The following TANC1 variants were observed in gnomAD, a reference collection of about 807,000 sequenced individuals.
TANC1 encodes the protein tetratricopeptide repeat, ankyrin repeat and coiled-coil containing 1, also known as protein TANC1.
Under a neutral mutation model 149.7 loss-of-function variants are expected in TANC1, and 77 were observed. The ratio of observed to expected loss-of-function variants is 0.51; its 90% CI spans 0.43 to 0.62. The LOEUF (loss-of-function observed/expected upper bound fraction) is 0.62. Among genes scored for constraint, TANC1 ranks in the 20% least tolerant of loss-of-function variants. TANC1 has a pLI of 0.00. For missense variants in TANC1, 1,985 were observed against 2,321.8 expected (o/e 0.85, Z 2.98); for synonymous variants, 854 against 925.0 (o/e 0.92, Z 1.39).
intron 2 of TANC1, chr2:159,056,893 A>G: frequency 3.7e-6 from 1 of 267,924 alleles, no homozygotes; most frequent in Admixed American, 3.2e-5. Context: ...ATTTCTCCTC[A>G]TAGGACATAT....
chr2:159,066,919 T>C (rs1367594455), intron 3 of TANC1, among the ~76,000 whole-genome samples: 1 of 152,238 alleles, frequency 6.6e-6, no homozygotes, highest in Non-Finnish European at 1.5e-5. Context: ...AGAAAAACTA[T>C]ATATTGTCTA....
chr2:159,027,333 A>C (rs2039429518), intron 2 of TANC1, among the ~76,000 whole-genome samples: 1 of 152,114 alleles, frequency 6.6e-6, no homozygotes, highest in Non-Finnish European at 1.5e-5. Context: ...ATTTTAGTTT[A>C]TTGCCCTCAA....
At chr2:159,146,526 G>GTA (rs2052109350) in intron 5 of TANC1, among the ~76,000 whole-genome samples, 3 of 145,124 alleles carry the variant, frequency 2.1e-5, no homozygotes, top group Admixed American at 7.1e-5. Flanking sequence ...GAATTTGGGT[G>GTA]TCCCTTTTCC....
intron 5 of TANC1, among the ~76,000 whole-genome samples, chr2:159,136,742 T>TCC: frequency 6.6e-6 from 1 of 151,808 alleles, no homozygotes; most frequent in African/African-American, 2.4e-5. Flanking sequence ...GAAGGCTGCT[T>TCC]TTTTTAACAT....
intron 5 of TANC1, among the ~76,000 whole-genome samples, chr2:159,146,553 T>C (rs1044912516): frequency 1.3e-5 from 2 of 148,866 alleles, no homozygotes; most frequent in Non-Finnish European, 3.0e-5. Context: ...TTTTTTTTTT[T>C]TTTTGGAGAC....
chr2:159,032,817 A>T (rs2039889458), intron 2 of TANC1, among the ~76,000 whole-genome samples: 2 of 151,964 alleles, frequency 1.3e-5, no homozygotes, highest in Non-Finnish European at 2.9e-5. Context: ...GCATGAACTG[A>T]GCCCCAGATT....
Position 159,179,052 on chromosome 2 carries a change from G to T in TANC1, c.2399G>T (p.Cys800Phe). 6.2e-7 allele frequency: 1 copy of T among 1,613,944 alleles called. No homozygotes were observed. Among genetic ancestry groups the T allele is most frequent in the Non-Finnish European group, 8.5e-7 (1 of 1,180,016 alleles). Residue 800 changes from cysteine to phenylalanine, a missense_variant, in exon 14 of 27, where the codon TGC becomes TTC. Cys to Phe is a radical substitution (Grantham distance 205). Coordinates refer to ENST00000263635, the MANE Select transcript of TANC1 (RefSeq NM_033394.3). ...CAGCAGAGGATGGACGCCCTCTCCT[G>T]CTTCCTCATTAAGAGGCGAGACAAA... is the stretch of plus-strand genomic sequence containing the variant. Reference protein sequence around the residue: ...DFQQRMDALSCFLIKRRDKTR... With the variant: ...DFQQRMDALSFFLIKRRDKTR...
chr2:159,088,663 C>G (rs2149837758), intron 3 of TANC1, among the ~76,000 whole-genome samples: 1 of 152,296 alleles, frequency 6.6e-6, no homozygotes, highest in African/African-American at 2.4e-5. Context: ...TGTAAACTTT[C>G]TTAAAACATT....
intron 2 of TANC1, among the ~76,000 whole-genome samples, chr2:159,065,240 T>C (rs1032730697): frequency 6.6e-6 from 1 of 152,228 alleles, no homozygotes; most frequent in African/African-American, 2.4e-5. Context: ...TTAAAGGATC[T>C]GGCCGTAGTG....
chr2:159,187,094 C>G (rs150934140), intron 16 of TANC1, 70 bp downstream of exon 16: 14 of 1,576,798 alleles, frequency 8.9e-6, no homozygotes, highest in Non-Finnish European at 1.2e-5. Context: ...CTCCAACAGC[C>G]CTGTTTCCCT....
chr2:159,077,447 C>T (rs1394108524), intron 3 of TANC1, among the ~76,000 whole-genome samples: 1 of 152,130 alleles, frequency 6.6e-6, no homozygotes, highest in Non-Finnish European at 1.5e-5. Flanking sequence ...CTTTTCGCTC[C>T]CCAAAGGCAA....
chr2:159,119,161 C>G (rs143703081), intron 4 of TANC1, among the ~76,000 whole-genome samples: 3 of 152,288 alleles, frequency 2.0e-5, no homozygotes, highest in Non-Finnish European at 2.9e-5. Context: ...TCTTTGCCCC[C>G]AAATGTCTTC....
chr2:159,186,824 T>C, intron 15 of TANC1, 78 bp from the exon 16 acceptor site: 1 of 1,589,332 alleles, frequency 6.3e-7, no homozygotes. Flanking sequence ...ACTTTCAGAG[T>C]GACCCTGCAG....
rs1240040395 is a variant in TANC1, at chr2:159,107,127, A to C, written c.259+9293A>C. ...ATTGCAGCTTCCACCTCCTGGGTTC[A>C]AGCGATTCTCCTGTCTCAGCCTCCT... On this transcript the variant is annotated intron_variant, in intron 4 of 26. Transcript: ENST00000263635. Among the ~76,000 whole-genome samples the C allele has an allele frequency of 2.0e-5, 3 of 152,174 alleles. No homozygotes were observed. The East Asian group carries it at 5.8e-4, about 29-fold the overall frequency.
chr2:159,196,920 A>G, intron 18 of TANC1, 127 bp downstream of exon 18: 2 of 834,578 alleles, frequency 2.4e-6, no homozygotes, highest in South Asian at 3.5e-5. Flanking sequence ...CACCTGCAGT[A>G]GAAGGTCTTC....
At chr2:158,976,100 C>T (rs1225576780) in intron 1 of TANC1, among the ~76,000 whole-genome samples, 2 of 152,224 alleles carry the variant, frequency 1.3e-5, no homozygotes, top group African/African-American at 2.4e-5. Context: ...TCCCAAAGTG[C>T]TGGGATTACA....
chr2:158,996,945 G>A (rs1399168675), intron 1 of TANC1, among the ~76,000 whole-genome samples: 1 of 151,832 alleles, frequency 6.6e-6, no homozygotes, highest in Non-Finnish European at 1.5e-5. Flanking sequence ...CCATGTGTGG[G>A]GTGTTGGGAG....
At chr2:159,113,521 A>G (rs1162655986) in intron 4 of TANC1, among the ~76,000 whole-genome samples, 2 of 152,330 alleles carry the variant, frequency 1.3e-5, no homozygotes, top group Middle Eastern at 3.4e-3. Context: ...GGCTCCTAGA[A>G]TATGTTGGAA....
chr2:159,027,335 T>C (rs890919197), intron 2 of TANC1, among the ~76,000 whole-genome samples: 1 of 152,244 alleles, frequency 6.6e-6, no homozygotes, highest in Admixed American at 6.5e-5. Flanking sequence ...TTTAGTTTAT[T>C]GCCCTCAAGC....
Sources: allele counts gnomAD v4.1 joint callset (sites outside exome capture counted in the v4.1 genomes callset), GRCh38; gene constraint gnomAD v4.1.1; transcripts MANE v1.5; gene names NCBI Gene and HGNC (gene_info 2026-07-23, HGNC 2026-07-21).